The following SORCS2 variants were observed in gnomAD, a reference collection of about 807,000 sequenced individuals.
The protein encoded by SORCS2 is VPS10 domain-containing receptor SorCS2.
SORCS2 carries 100 observed loss-of-function variants against 141.6 expected under a neutral mutation model. The ratio of observed to expected loss-of-function variants is 0.71; its 90% CI spans 0.60 to 0.83. The LOEUF (loss-of-function observed/expected upper bound fraction) is 0.83. SORCS2 is among the 40% of genes least tolerant of loss of function. The pLI, the probability that SORCS2 is intolerant of heterozygous loss-of-function variation, is 0.00. For missense variants in SORCS2, 1,646 were observed against 1,560.2 expected, an observed-to-expected ratio of 1.05 and a Z score of -0.93; for synonymous variants, 789 against 676.9, an observed-to-expected ratio of 1.17 and a Z score of -2.57.
At chr4:7,445,177 G>C (rs1390657508) in intron 2 of SORCS2, among the ~76,000 whole-genome samples, 1 of 152,246 alleles carries the variant, frequency 6.6e-6, no homozygotes, top group Admixed American at 6.5e-5. Context: ...GGGCCAACCT[G>C]GTGAGGGTGA....
chr4:7,581,176 A>G (rs1005126708), intron 3 of SORCS2, among the ~76,000 whole-genome samples: 11 of 151,290 alleles, frequency 7.3e-5, no homozygotes, highest in African/African-American at 2.7e-4. Context: ...AAGCTACAAT[A>G]AGTTTTTTAA....
rs1246912194 is a variant in SORCS2 at position 7,714,187 on chromosome 4, T to G, written c.1990-53T>G. ...GCAGCCTCAGCGGCACAAGGCCTTG[T>G]AGAGCAGTTGCCCTGTCTCAGGCAG... On this transcript the variant is annotated intron_variant, in intron 15 of 26. Transcript: ENST00000507866. 1.9e-6 allele frequency: 3 copies of G among 1,575,842 alleles called. No homozygotes were observed. The Admixed American group carries it at 5.4e-5, about 28-fold the overall frequency.
In SORCS2 at chr4:7,587,183, G is replaced by A. The variant is rs551923870; in HGVS notation, c.649-51145G>A. Among the ~76,000 whole-genome samples the A allele has an allele frequency of 3.3e-5, 5 of 152,138 alleles. No individual in the cohort carries two copies. The South Asian group carries it at 1.0e-3, about 32-fold the overall frequency. The stretch of plus-strand genomic sequence containing the variant: ...CTTGGATGCCCTTCAGTTGTCTGAT[G>A]TGGAGTTTCTAGATCTTGGTGCCAG... On this transcript the variant is annotated intron_variant, in intron 3 of 26. Transcript: ENST00000507866.
intron 3 of SORCS2, among the ~76,000 whole-genome samples, chr4:7,570,980 C>G (rs1433849040): frequency 2.6e-5 from 4 of 152,198 alleles, no homozygotes; most frequent in Admixed American, 1.3e-4. Flanking sequence ...AGGGAGACTT[C>G]AGAGGCGCAG....
chr4:7,571,118 C>G (rs1035173275), intron 3 of SORCS2, among the ~76,000 whole-genome samples: 1 of 152,250 alleles, frequency 6.6e-6, no homozygotes, highest in African/African-American at 2.4e-5. Flanking sequence ...CCCTGGACAC[C>G]TCTCATGCTG....
At chr4:7,443,969 A>G (rs1727838343) in intron 2 of SORCS2, among the ~76,000 whole-genome samples, 1 of 152,166 alleles carries the variant, frequency 6.6e-6, no homozygotes, top group Admixed American at 6.5e-5. Flanking sequence ...CTGACCCCAA[A>G]AGCTCCTTGA....
intron 16 of SORCS2, 134 bp downstream of exon 16, chr4:7,714,507 C>T: frequency 1.0e-6 from 1 of 964,860 alleles, no homozygotes; most frequent in Non-Finnish European, 1.5e-6. Context: ...CGCACACTGC[C>T]ACTTCTGCCT....
At chr4:7,331,693 C>G (rs1460301408) in intron 1 of SORCS2, among the ~76,000 whole-genome samples, 2 of 152,100 alleles carry the variant, frequency 1.3e-5, no homozygotes, top group East Asian at 3.9e-4. Flanking sequence ...TTCAGTGGGT[C>G]GGGGTGAAGC....
intron 2 of SORCS2, among the ~76,000 whole-genome samples, chr4:7,447,886 G>C (rs938551264): frequency 6.6e-6 from 1 of 152,168 alleles, no homozygotes; most frequent in East Asian, 1.9e-4. Flanking sequence ...CTGCAGATAC[G>C]GCAGAGGTGT....
At chr4:7,200,653 T>A (rs1266371766) in intron 1 of SORCS2, among the ~76,000 whole-genome samples, 21 of 152,224 alleles carry the variant, frequency 1.4e-4, no homozygotes. Flanking sequence ...CAAGTAGTAA[T>A]GAAGGAGGCA....
Position 7,714,386 on chromosome 4 carries a change from C to A in SORCS2, c.2123+13C>A, listed in dbSNP as rs752135433. ...CGGACTTCCTGTGGTGAGCGACGGG[C>A]TCCTGGCCACGAGGCCTCAGGCGCT... On this transcript the variant is annotated intron_variant, in intron 16 of 26. Transcript: ENST00000507866. The A allele has an allele frequency of 6.5e-7, 1 of 1,548,756 alleles. No individual in the cohort carries two copies. Among genetic ancestry groups the A allele is most frequent in the South Asian group, 1.2e-5 (1 of 84,024 alleles).
intron 1 of SORCS2, among the ~76,000 whole-genome samples, chr4:7,204,252 G>C (rs995794927): frequency 6.6e-6 from 1 of 152,066 alleles, no homozygotes; most frequent in Non-Finnish European, 1.5e-5. Flanking sequence ...GTCTTGCTCT[G>C]TTGCCTAGGC....
intron 1 of SORCS2, among the ~76,000 whole-genome samples, chr4:7,249,624 C>T (rs1482390753): frequency 6.6e-6 from 1 of 152,200 alleles, no homozygotes; most frequent in African/African-American, 2.4e-5. Flanking sequence ...ATTCATGCCT[C>T]TGTGACATCC....
intron 3 of SORCS2, among the ~76,000 whole-genome samples, chr4:7,567,935 A>G (rs565407501): frequency 4.6e-5 from 7 of 152,332 alleles, no homozygotes; most frequent in African/African-American, 1.7e-4. Context: ...GAGCACTTTC[A>G]GTTGGCTGCT....
chr4:7,404,516 A>AT (rs1041635259), intron 2 of SORCS2, among the ~76,000 whole-genome samples: 4 of 151,886 alleles, frequency 2.6e-5, no homozygotes, highest in Admixed American at 1.3e-4. Flanking sequence ...AACATCTGTT[A>AT]TTTTTTTGTC....
intron 2 of SORCS2, among the ~76,000 whole-genome samples, chr4:7,527,060 C>T (rs1251929104): frequency 6.6e-6 from 1 of 152,220 alleles, no homozygotes; most frequent in Non-Finnish European, 1.5e-5. Flanking sequence ...GTCAGTGGTG[C>T]TGCCCGACAA....
chr4:7,740,272 C>A lies in SORCS2; in HGVS notation c.*8C>A. ...AGCTACCTGGTGAGCTGATGCCACC[C>A]CAGCATCTGTCTTTTCACCCACGGA... On this transcript the variant is annotated 3_prime_UTR_variant, in exon 27 of 27. Transcript: ENST00000507866. 6.2e-7 allele frequency: 1 copy of A among 1,608,112 alleles called. No homozygotes were observed.
At chr4:7,473,845 C>T (rs7685651) in intron 2 of SORCS2, among the ~76,000 whole-genome samples, 20,986 of 152,088 alleles carry the variant, frequency 0.14, 1,967 homozygotes, top group South Asian at 0.25. Flanking sequence ...CTGGCTCTGG[C>T]GGGGTCTGGG....
chr4:7,734,824 CCCCTCGAG>C (rs1712033538), intron 25 of SORCS2, among the ~76,000 whole-genome samples: 1 of 152,224 alleles, frequency 6.6e-6, no homozygotes, highest in South Asian at 2.1e-4. Context: ...TCCCTTCCCT[CCCCTCGAG>C]AGCACTTGAG....
Sources: gnomAD v4.1 joint callset for allele counts (sites outside exome capture counted in the v4.1 genomes callset) on GRCh38, gnomAD v4.1.1 for gene constraint, MANE v1.5 for transcripts, NCBI Gene and HGNC (gene_info 2026-07-23, HGNC 2026-07-21) for gene names.